Variants in NEK7 observed in about 807,000 individuals in gnomAD.
The protein encoded by NEK7 is NIMA related kinase 7.
NEK7 carries 18 observed loss-of-function variants against 44.6 expected under a neutral mutation model. The ratio of observed to expected loss-of-function variants is 0.40; its 90% CI spans 0.28 to 0.60. The LOEUF (loss-of-function observed/expected upper bound fraction) is 0.60, where lower values mean the gene tolerates loss of function less well. Ranked by LOEUF, NEK7 falls within the 20% of genes least tolerant of loss-of-function variation. The probability of loss-of-function intolerance (pLI) is 0.38; values close to 1 mark genes in which losing one functional copy is unlikely to be tolerated. For synonymous variants in NEK7, 130 were observed against 121.1 expected, an observed-to-expected ratio of 1.07 and a Z score of -0.48; for missense variants, 256 against 366.5, an observed-to-expected ratio of 0.70 and a Z score of 2.46.
chr1:198,218,689 G>A lies in NEK7; in HGVS notation c.-28-13864G>A, dbSNP rs116559348. 9.6e-3 allele frequency among the ~76,000 whole-genome samples: 1,451 copies of A among 150,806 alleles called. 11 individuals carry two copies. Among genetic ancestry groups the A allele is most frequent in the Non-Finnish European group, 0.015 (1,028 of 67,340 alleles). On this transcript the variant is annotated intron_variant, in intron 1 of 9. Coordinates refer to ENST00000367385, the MANE Select transcript of NEK7 (RefSeq NM_133494.3). ...TGAACCCAACAAAGGACTGATATGC[G>A]GAATATACAAATAAATCAGCAAGAA... is the stretch of plus-strand genomic sequence containing the variant.
At chr1:198,159,289 T>TG (rs1350484038) in intron 1 of NEK7, among the ~76,000 whole-genome samples, 1 of 151,736 alleles carries the variant, frequency 6.6e-6, no homozygotes, top group Non-Finnish European at 1.5e-5. Flanking sequence ...AGGGCCAGCC[T>TG]GGAGAAAGAA....
At chr1:198,161,794 T>G (rs985810949) in intron 1 of NEK7, among the ~76,000 whole-genome samples, 1 of 152,038 alleles carries the variant, frequency 6.6e-6, no homozygotes, top group Non-Finnish European at 1.5e-5. Context: ...CGACATAGAA[T>G]CTAATGTCAG....
At chr1:198,302,528 A>AT (rs1558102498) in intron 9 of NEK7, among the ~76,000 whole-genome samples, 1 of 151,812 alleles carries the variant, frequency 6.6e-6, no homozygotes, top group East Asian at 1.9e-4. Flanking sequence ...AAAAGTCTTG[A>AT]TTTTCTGGAG....
intron 6 of NEK7, among the ~76,000 whole-genome samples, chr1:198,278,440 G>A (rs1470830965): frequency 6.7e-6 from 1 of 149,820 alleles, no homozygotes; most frequent in Non-Finnish European, 1.5e-5. Flanking sequence ...GTTGAGCAGA[G>A]TGTGTTAACA....
intron 5 of NEK7, among the ~76,000 whole-genome samples, chr1:198,271,916 T>TAC (rs1378292157): frequency 5.0e-5 from 7 of 141,248 alleles, no homozygotes; most frequent in East Asian, 2.1e-4. Flanking sequence ...TATATATATA[T>TAC]ATATATATAC....
At chr1:198,209,073 G>A (rs185908338) in intron 1 of NEK7, among the ~76,000 whole-genome samples, 13 of 122,460 alleles carry the variant, frequency 1.1e-4, no homozygotes, top group East Asian at 1.0e-3. Flanking sequence ...ACACACATAC[G>A]CACATATGTA....
chr1:198,231,337 A>AT (rs57756207), intron 1 of NEK7, among the ~76,000 whole-genome samples: 976 of 137,972 alleles, frequency 7.1e-3, no homozygotes, highest in Non-Finnish European at 8.8e-3. Context: ...ATATATATAT[A>AT]AAAACACATG....
At chr1:198,238,112 A>G (rs1282491071) in intron 2 of NEK7, among the ~76,000 whole-genome samples, 1 of 152,174 alleles carries the variant, frequency 6.6e-6, no homozygotes, top group Non-Finnish European at 1.5e-5. Context: ...GTCTTTCATT[A>G]TGCATGTAAC....
In NEK7 at chr1:198,311,396, G is replaced by T. The variant is rs566198765; in HGVS notation, c.799-8016G>T. The stretch of plus-strand genomic sequence containing the variant: ...TGTCATCTGCAAACAGGGACAATTT[G>T]ACTTCCTCTTTTCCTAATTGAATAC... On this transcript the variant is annotated intron_variant, in intron 9 of 9. Coordinates refer to ENST00000367385, the MANE Select transcript of NEK7 (RefSeq NM_133494.3). Among the ~76,000 whole-genome samples the T allele has an allele frequency of 2.0e-5, 3 of 152,158 alleles. No homozygotes were observed. In the South Asian group the frequency reaches 6.2e-4, roughly 32 times the overall value.
chr1:198,284,633 C>T (rs1262617831), intron 7 of NEK7, among the ~76,000 whole-genome samples: 1 of 152,088 alleles, frequency 6.6e-6, no homozygotes, highest in Non-Finnish European at 1.5e-5. Context: ...GCAAAATGTA[C>T]TTTTGGTATA....
Position 198,198,546 on chromosome 1 carries a change from C to T in NEK7, c.-28-34007C>T, listed in dbSNP as rs538711119. Among the ~76,000 whole-genome samples, 12 of 152,288 alleles carry T rather than the reference C, an allele frequency of 7.9e-5. No individual in the cohort carries two copies. In the South Asian group the frequency reaches 2.5e-3, roughly 32 times the overall value. ...ACATGTCGCTATGTAAAGTCTCAGTCTTGGTTCTTCCCAGACAGGATCCTG... is the reference window on the plus strand; with the variant it reads ...ACATGTCGCTATGTAAAGTCTCAGTTTTGGTTCTTCCCAGACAGGATCCTG... On this transcript the variant is annotated intron_variant, in intron 1 of 9. Coordinates refer to ENST00000367385, the MANE Select transcript of NEK7 (RefSeq NM_133494.3).
chr1:198,277,710 T>C, intron 5 of NEK7: 1 of 293,402 alleles, frequency 3.4e-6, no homozygotes, highest in Non-Finnish European at 6.3e-6. Flanking sequence ...TGTTAATTTT[T>C]TGAAATAGTG....
At chr1:198,186,893 G>T (rs781677178) in intron 1 of NEK7, among the ~76,000 whole-genome samples, 1 of 152,164 alleles carries the variant, frequency 6.6e-6, no homozygotes, top group Non-Finnish European at 1.5e-5. Context: ...TAATCATTTA[G>T]CTCCCTTCCT....
intron 1 of NEK7, chr1:198,197,820 C>T (rs1486288692): frequency 9.0e-6 from 7 of 779,318 alleles, no homozygotes; most frequent in South Asian, 1.4e-5. Flanking sequence ...GAATGCTTGC[C>T]ATGCTCGTGG....
chr1:198,321,720 T>C lies in NEK7; in HGVS notation c.*2198T>C, dbSNP rs531393595. The C allele has an allele frequency of 6.6e-6, 1 of 152,252 alleles. No homozygotes were observed. The highest frequency in any genetic ancestry group is 1.5e-5 in the Non-Finnish European group (1 of 67,954). The allele number at this position is 152,252 out of a possible 1,614,324, so 9.4% of individuals were successfully genotyped here. ...TTCATATTTTTCCTGAAGAAACCAC[T>C]GTGTAAAAATCAAATTTTAATTTTG... On this transcript the variant is annotated 3_prime_UTR_variant, in exon 10 of 10. Coordinates refer to ENST00000367385, the MANE Select transcript of NEK7 (RefSeq NM_133494.3).
chr1:198,271,971 A>C (rs1203471926), intron 5 of NEK7, among the ~76,000 whole-genome samples: 1 of 149,426 alleles, frequency 6.7e-6, no homozygotes, highest in African/African-American at 2.4e-5. Flanking sequence ...GTACCTATAC[A>C]TAACATATGT....
In NEK7 at chr1:198,179,428, A is replaced by G. The variant is rs1373277449; in HGVS notation, c.-29+22152A>G. Among the ~76,000 whole-genome samples the G allele has an allele frequency of 3.3e-5, 5 of 152,196 alleles. No individual in the cohort carries two copies. In the East Asian group the frequency reaches 9.6e-4, roughly 29 times the overall value. On this transcript the variant is annotated intron_variant, in intron 1 of 9. Coordinates refer to ENST00000367385, the MANE Select transcript of NEK7 (RefSeq NM_133494.3). ...TTATCCAGTAAGCCCTGAATTCTTA[A>G]GATGAATTTAAATTTGGTCTAACAG...
intron 3 of NEK7, among the ~76,000 whole-genome samples, chr1:198,261,081 T>C (rs1653447196): frequency 6.6e-6 from 1 of 152,056 alleles, no homozygotes; most frequent in African/African-American, 2.4e-5. Context: ...TTTTATGCAG[T>C]AGATATCTTT....
intron 7 of NEK7, among the ~76,000 whole-genome samples, chr1:198,280,241 A>T (rs1654154002): frequency 6.6e-6 from 1 of 152,072 alleles, no homozygotes. Flanking sequence ...AGTTCTATAG[A>T]GAAAACCTTG....
Sources: allele counts gnomAD v4.1 joint callset (sites outside exome capture counted in the v4.1 genomes callset), GRCh38; gene constraint gnomAD v4.1.1; transcripts MANE v1.5; gene names NCBI Gene and HGNC (gene_info 2026-07-23, HGNC 2026-07-21).